The following TRIO variants were observed in gnomAD, a reference collection of about 807,000 sequenced individuals.
The protein encoded by TRIO is trio Rho guanine nucleotide exchange factor, also known as triple functional domain protein.
A neutral mutation model predicts 351.9 loss-of-function variants in TRIO; 58 were observed. The ratio of observed to expected loss-of-function variants is 0.16; its 90% CI spans 0.13 to 0.21. The LOEUF (loss-of-function observed/expected upper bound fraction) is 0.21, where lower values mean the gene tolerates loss of function less well. Among genes scored for constraint, TRIO ranks in the 10% least tolerant of loss-of-function variants. The pLI is 1.00. For missense variants in TRIO, 3,201 were observed against 4,027.8 expected, an observed-to-expected ratio of 0.79 and a Z score of 5.56; for synonymous variants, 1,758 against 1,595.7, an observed-to-expected ratio of 1.10 and a Z score of -2.42.
At chr5:14,226,408 C>T (rs1014720286) in intron 1 of TRIO, among the ~76,000 whole-genome samples, 1 of 152,150 alleles carries the variant, frequency 6.6e-6, no homozygotes, top group African/African-American at 2.4e-5. Flanking sequence ...CAGTTTCATG[C>T]AGCTTTCTGG....
At chr5:14,373,628 A>G (rs1037927293) in intron 18 of TRIO, among the ~76,000 whole-genome samples, 1 of 152,262 alleles carries the variant, frequency 6.6e-6, no homozygotes, top group African/African-American at 2.4e-5. Flanking sequence ...ACATAAACAC[A>G]TATTGTCAGT....
chr5:14,475,722 T>C (rs894360258), intron 40 of TRIO, among the ~76,000 whole-genome samples: 28 of 152,250 alleles, frequency 1.8e-4, no homozygotes, highest in African/African-American at 6.5e-4. Flanking sequence ...TATTATGATT[T>C]AGTCTCCTAC....
intron 33 of TRIO, among the ~76,000 whole-genome samples, chr5:14,416,896 A>G (rs1749693554): frequency 6.6e-6 from 1 of 152,178 alleles, no homozygotes; most frequent in African/African-American, 2.4e-5. Context: ...AGGGAAGCCC[A>G]GTGGGTTTCT....
At chr5:14,262,720 A>G (rs1196337821) in intron 1 of TRIO, among the ~76,000 whole-genome samples, 2 of 152,052 alleles carry the variant, frequency 1.3e-5, no homozygotes, top group Admixed American at 1.3e-4. Context: ...GATGGAGGGC[A>G]GGGAGAAGCC....
chr5:14,147,706 A>G (rs1344573140), intron 1 of TRIO, among the ~76,000 whole-genome samples: 1 of 152,208 alleles, frequency 6.6e-6, no homozygotes, highest in African/African-American at 2.4e-5. Flanking sequence ...ATATTTTGAT[A>G]TGACGGTTTC....
At chr5:14,306,801 A>G (rs1191424686) in intron 8 of TRIO, among the ~76,000 whole-genome samples, 1 of 152,218 alleles carries the variant, frequency 6.6e-6, no homozygotes, top group Non-Finnish European at 1.5e-5. Flanking sequence ...TTTTCATTAA[A>G]TACAGAATCT....
intron 1 of TRIO, among the ~76,000 whole-genome samples, chr5:14,210,949 A>G (rs1290138439): frequency 1.3e-5 from 2 of 151,498 alleles, no homozygotes; most frequent in African/African-American, 4.9e-5. Context: ...CCTTCTTTCC[A>G]TCTTCCCCAC....
At chr5:14,396,534 A>G (rs1303783780) in intron 28 of TRIO, among the ~76,000 whole-genome samples, 10 of 122,568 alleles carry the variant, frequency 8.2e-5, no homozygotes, top group Non-Finnish European at 1.4e-4. Flanking sequence ...CAGTGGCACA[A>G]TCTTGGCTCA....
At chr5:14,458,094 T>G (rs35372806) in intron 34 of TRIO, among the ~76,000 whole-genome samples, 1 of 151,594 alleles carries the variant, frequency 6.6e-6, no homozygotes. Flanking sequence ...CAGAGCTCCG[T>G]GGTGACACCT....
At chr5:14,380,349 C>G (rs1745983999) in intron 20 of TRIO, among the ~76,000 whole-genome samples, 1 of 151,068 alleles carries the variant, frequency 6.6e-6, no homozygotes, top group African/African-American at 2.5e-5. Context: ...GCTCCTCGCT[C>G]CTCGCTCCTC....
rs550257170 is a variant in TRIO at position 14,364,677 on chromosome 5, T to C, written c.2615T>C (p.Val872Ala). The C allele has an allele frequency of 9.3e-6, 15 of 1,614,006 alleles. No homozygotes were observed. The highest frequency in any genetic ancestry group is 1.1e-5 in the Non-Finnish European group (13 of 1,179,984). Residue 872 changes from valine to alanine, a missense_variant, in exon 15 of 57, where the codon GTA becomes GCA. Around this residue, in one of 19 missense-constraint regions of TRIO, gnomAD observed 363 missense variants for 553.5 expected, o/e 0.66. Coordinates refer to ENST00000344204, the MANE Select transcript of TRIO (RefSeq NM_007118.4). Reference sequence around the variant, plus strand: ...GTGGAGCTGCTGTGTGATAGAGATGTAGACATGGCAACTCGGGTCCAGGAC... The same window carrying C: ...GTGGAGCTGCTGTGTGATAGAGATGCAGACATGGCAACTCGGGTCCAGGAC... ...SGVELLCDRD[V>A]DMATRVQDLL...
At chr5:14,146,147 C>T (rs1787508761) in intron 1 of TRIO, among the ~76,000 whole-genome samples, 1 of 148,740 alleles carries the variant, frequency 6.7e-6, no homozygotes, top group Admixed American at 6.8e-5. Context: ...CGATGTCTAG[C>T]AGGGGGCAGA....
rs760258238 is a variant in TRIO, at chr5:14,316,493, C to G, written c.1501-20C>G. On this transcript the variant is annotated intron_variant, in intron 8 of 56. Coordinates refer to ENST00000344204, the MANE Select transcript of TRIO (RefSeq NM_007118.4). ...CCAAACCTCAGATCGTGAAGAATCACTCATTTCTTTTGTGGGCAGGTCAGC... is the reference window on the plus strand; with the variant it reads ...CCAAACCTCAGATCGTGAAGAATCAGTCATTTCTTTTGTGGGCAGGTCAGC... 3 of 1,612,832 alleles carry G rather than the reference C, an allele frequency of 1.9e-6. No homozygotes were observed. Among genetic ancestry groups the G allele is most frequent in the Admixed American group, 1.7e-5 (1 of 59,990 alleles).
intron 1 of TRIO, among the ~76,000 whole-genome samples, chr5:14,268,903 G>C (rs760471936): frequency 6.6e-6 from 1 of 152,156 alleles, no homozygotes; most frequent in African/African-American, 2.4e-5. Flanking sequence ...AGTGAGTTAC[G>C]GTGACTGGCA....
intron 1 of TRIO, among the ~76,000 whole-genome samples, chr5:14,259,474 C>G (rs940191610): frequency 6.6e-6 from 1 of 152,304 alleles, no homozygotes; most frequent in South Asian, 2.1e-4. Flanking sequence ...TTTGTAATTT[C>G]TTAAATTTCT....
chr5:14,222,831 G>A (rs1016811455), intron 1 of TRIO, among the ~76,000 whole-genome samples: 3 of 152,176 alleles, frequency 2.0e-5, no homozygotes, highest in Admixed American at 6.5e-5. Flanking sequence ...TTCTAACATC[G>A]CAGAGATGTT....
chr5:14,183,768 T>G (rs1789937921), intron 1 of TRIO: 3 of 542,762 alleles, frequency 5.5e-6, no homozygotes, highest in Non-Finnish European at 1.0e-5. Flanking sequence ...GCGGCCGCAG[T>G]TACAGCATGC....
At chr5:14,196,386 G>C (rs1790769996) in intron 1 of TRIO, among the ~76,000 whole-genome samples, 1 of 133,458 alleles carries the variant, frequency 7.5e-6, no homozygotes, top group Non-Finnish European at 1.5e-5. Flanking sequence ...TCACACCACT[G>C]CACTCCAGCC....
In TRIO at chr5:14,507,225, C is replaced by T. The variant is rs1757755668; in HGVS notation, c.8716C>T (p.Leu2906=). The change falls in exon 56 of 57, where the codon CTG becomes TTG. Residue 2906 remains leucine (L), a synonymous_variant. Coordinates refer to ENST00000344204, the MANE Select transcript of TRIO (RefSeq NM_007118.4). The stretch of plus-strand genomic sequence containing the variant: ...GGAGGTTCTGGAAGCTGTCCGGTAC[C>T]TGCACAACTGCAGGATAGCACACCT... ...LGEVLEAVRY[L]HNCRIAHLDL... 15 of 1,611,830 alleles carry T rather than the reference C, an allele frequency of 9.3e-6. No homozygotes were observed. The highest frequency in any genetic ancestry group is 1.3e-5 in the Non-Finnish European group (15 of 1,179,874).
Sources: gnomAD v4.1 joint callset for allele counts (sites outside exome capture counted in the v4.1 genomes callset) on GRCh38, gnomAD v4.1.1 for gene constraint, gnomAD v4.1.1 regional missense constraint, MANE v1.5 for transcripts, NCBI Gene and HGNC (gene_info 2026-07-23, HGNC 2026-07-21) for gene names.